AATK: variants seen among roughly 807,000 people sequenced by gnomAD.
AATK encodes the protein serine/threonine-protein kinase LMTK1.
AATK carries 91 observed loss-of-function variants against 114.3 expected under a neutral mutation model. That is an observed-to-expected ratio of 0.80 (90% CI 0.67 to 0.95). AATK has a LOEUF of 0.95. Among genes scored for constraint, AATK ranks in the 40% least tolerant of loss-of-function variants. AATK has a pLI of 0.00. For missense variants in AATK, 2,176 were observed against 1,965.2 expected (o/e 1.11, Z -2.03); for synonymous variants, 1,075 against 916.5 (o/e 1.17, Z -3.12).
At chr17:81,124,224 CG>C in intron 9 of AATK, among the ~76,000 whole-genome samples, 2 of 152,088 alleles carry the variant, frequency 1.3e-5, no homozygotes, top group African/African-American at 4.8e-5. Context: ...CACCCCGGGG[CG>C]GACCACTCCC....
At chr17:81,146,329 G>A (rs12948647) in intron 1 of AATK, among the ~76,000 whole-genome samples, 14,345 of 151,346 alleles carry the variant, frequency 0.095, 908 homozygotes, top group Non-Finnish European at 0.14. Flanking sequence ...CCACTGGACC[G>A]CAGCCTGGGT....
Position 81,122,715 on chromosome 17 carries a change from C to T in AATK, c.1221G>A (p.Glu407=). 1.3e-6 allele frequency: 2 copies of T among 1,585,992 alleles called. No homozygotes were observed. Among genetic ancestry groups the T allele is most frequent in the Non-Finnish European group, 1.7e-6 (2 of 1,167,038 alleles). ...AGCGCCAGCGCCGTTCAAACTCCTC[C>T]TCTGCTTCGGTGGCGCCCTTGGCAC... ...YLCAKGATEA[E]EEFERRWRSL... Residue 407 remains glutamate, a synonymous_variant, in exon 11 of 14, where the codon GAG becomes GAA. Coordinates refer to ENST00000326724, the MANE Select transcript of AATK (RefSeq NM_001080395.3).
In AATK at chr17:81,127,815, G is replaced by T; in HGVS notation, c.510C>A (p.Phe170Leu). 6.5e-7 allele frequency: 1 copy of T among 1,534,240 alleles called. No individual in the cohort carries two copies. Among genetic ancestry groups the T allele is most frequent in the Non-Finnish European group, 8.8e-7 (1 of 1,133,562 alleles). The change falls in exon 5 of 14, where the codon TTC becomes TTA. Residue 170 changes from phenylalanine to leucine, a missense_variant. Around this residue, in one of 4 missense-constraint regions of AATK, gnomAD observed 273 missense variants for 344.1 expected, o/e 0.79. Coordinates refer to ENST00000326724, the MANE Select transcript of AATK (RefSeq NM_001080395.3). ...ACCTGTAGGGCTGCACCTCCTCCAG[G>T]AACTGCATCTGCTCCTGCACGCTGG... is the stretch of plus-strand genomic sequence containing the variant. The part of the protein sequence containing the change: ...ASASVQEQMQ[F>L]LEEVQPYRAL...
intron 1 of AATK, among the ~76,000 whole-genome samples, chr17:81,137,854 TCA>T (rs1283848835): frequency 2.0e-5 from 3 of 151,950 alleles, no homozygotes; most frequent in Admixed American, 6.5e-5. Context: ...TGTGTATATA[TCA>T]CACGTGTGCA....
intron 9 of AATK, among the ~76,000 whole-genome samples, chr17:81,124,325 C>G (rs918234588): frequency 1.3e-5 from 2 of 152,178 alleles, no homozygotes; most frequent in Non-Finnish European, 2.9e-5. Context: ...TTCCAGGCTG[C>G]GGCCGTGGGA....
chr17:81,163,571 C>A (rs552147289), intron 1 of AATK, among the ~76,000 whole-genome samples: 130 of 152,360 alleles, frequency 8.5e-4, no homozygotes, highest in African/African-American at 3.1e-3. Flanking sequence ...CCCCCAGCCA[C>A]GCTCCCGAGT....
At chr17:81,125,788 T>G in intron 7 of AATK, 1 of 412,872 alleles carries the variant, frequency 2.4e-6, no homozygotes, top group Admixed American at 2.7e-5. Context: ...TACAGGGCCA[T>G]GTGTCCTGGG....
At chr17:81,128,761 A>C (rs74980834) in intron 3 of AATK, 95,728 of 1,375,664 alleles carry the variant, frequency 0.07, 3,574 homozygotes, top group South Asian at 0.11. Flanking sequence ...GAGCTGCAGG[A>C]TCCATCCGGG....
Position 81,160,979 on chromosome 17 carries a change from C to T in AATK, c.55+4959G>A, listed in dbSNP as rs112159367. 3.4e-3 allele frequency among the ~76,000 whole-genome samples: 522 copies of T among 152,342 alleles called. 7 individuals carry two copies. The highest frequency in any genetic ancestry group is 0.012 in the African/African-American group (493 of 41,574). On this transcript the variant is annotated intron_variant, in intron 1 of 13. Transcript: ENST00000326724. The stretch of plus-strand genomic sequence containing the variant: ...CTGTGGCCCCGGCCTGCTTCCTCCT[C>T]ACACCCAGCCAAGCGCCCTGGAGGG...
At chr17:81,139,548 C>T (rs535685215) in intron 1 of AATK, among the ~76,000 whole-genome samples, 3 of 152,362 alleles carry the variant, frequency 2.0e-5, no homozygotes, top group South Asian at 2.1e-4. Context: ...CTTCCAAGCC[C>T]GGCCCTCTGC....
chr17:81,145,234 CAAAA>C (rs761538299), intron 1 of AATK, among the ~76,000 whole-genome samples: 1 of 121,118 alleles, frequency 8.3e-6, no homozygotes, highest in Non-Finnish European at 1.8e-5. Flanking sequence ...GAGACTCCAT[CAAAA>C]AAAAAAAAAA....
At chr17:81,141,877 ACTTT>A (rs2061142552) in intron 1 of AATK, among the ~76,000 whole-genome samples, 2 of 152,254 alleles carry the variant, frequency 1.3e-5, no homozygotes, top group South Asian at 4.2e-4. Flanking sequence ...GCAGTTACTT[ACTTT>A]TTTTCTTTCT....
Position 81,121,961 on chromosome 17 carries a change from T to G in AATK, c.1975A>C (p.Thr659Pro). ...ACCTCCTCTAGCTCATCCTCGCCAG[T>G]CAGCGGCAGCGGGGGCGCCCCTGAG... ...GSSGAPPLPL[T>P]GEDELEEVGA... Residue 659 changes from threonine to proline, a missense_variant, in exon 11 of 14, where the codon ACT (threonine) becomes CCT (proline). Physicochemically the swap from Thr to Pro is conservative, Grantham distance 38. This residue lies in a region of AATK where 1,701 missense variants were observed against 1,394.7 expected (regional missense o/e 1.22). Coordinates refer to ENST00000326724, the MANE Select transcript of AATK (RefSeq NM_001080395.3). 1 of 1,599,850 alleles carries G rather than the reference T, an allele frequency of 6.3e-7. No individual in the cohort carries two copies. The highest frequency in any genetic ancestry group is 8.5e-7 in the Non-Finnish European group (1 of 1,177,020).
intron 1 of AATK, among the ~76,000 whole-genome samples, chr17:81,154,179 G>A (rs549236699): frequency 9.9e-5 from 15 of 152,118 alleles, no homozygotes; most frequent in Non-Finnish European, 1.8e-4. Context: ...GCAGCTACTC[G>A]TCGAAACGCA....
chr17:81,138,493 AC>A (rs1162653154), intron 1 of AATK, among the ~76,000 whole-genome samples: 1 of 143,256 alleles, frequency 7.0e-6, no homozygotes, highest in Non-Finnish European at 1.5e-5. Flanking sequence ...GCATGCACAC[AC>A]ACCCTCGTGC....
At position 81,134,508 on chromosome 17, in the gene AATK, G is replaced by A. The variant is rs1244736868; in HGVS notation, c.56-7C>T. The A allele has an allele frequency of 3.1e-6, 5 of 1,609,766 alleles. No homozygotes were observed. The African/African-American group carries it at 5.3e-5, about 17-fold the overall frequency. On this transcript the variant is annotated splice_polypyrimidine_tract_variant and splice_region_variant and intron_variant, in intron 1 of 13. Coordinates refer to ENST00000326724, the MANE Select transcript of AATK (RefSeq NM_001080395.3). ...TCGCTGAGCGGGGCGCCGTCTGCGG[G>A]AGAGCAGTGTGGTGAGAGTGGCCAT...
intron 1 of AATK, among the ~76,000 whole-genome samples, chr17:81,144,133 T>G (rs2061181707): frequency 6.6e-6 from 1 of 152,128 alleles, no homozygotes; most frequent in Non-Finnish European, 1.5e-5. Context: ...CTCCAGGAAC[T>G]TGGGGCTCAC....
intron 1 of AATK, among the ~76,000 whole-genome samples, chr17:81,140,649 GCCGGGGGA>G: frequency 6.7e-6 from 1 of 150,280 alleles, no homozygotes; most frequent in African/African-American, 2.5e-5. Flanking sequence ...AGACCGTGGG[GCCGGGGGA>G]CCGTGGGGCC....
chr17:81,138,753 G>A (rs897070665), intron 1 of AATK, among the ~76,000 whole-genome samples: 4 of 140,582 alleles, frequency 2.8e-5, no homozygotes, highest in South Asian at 4.6e-4. Flanking sequence ...ATACCAACAC[G>A]CGCATGCACA....
Sources: allele counts gnomAD v4.1 joint callset (sites outside exome capture counted in the v4.1 genomes callset), GRCh38; gene constraint gnomAD v4.1.1; regional missense constraint gnomAD v4.1.1; transcripts MANE v1.5; gene names NCBI Gene and HGNC (gene_info 2026-07-23, HGNC 2026-07-21).